PTGR2: variants seen among roughly 807,000 people sequenced by gnomAD.
PTGR2 encodes the protein prostaglandin reductase 2.
Under a neutral mutation model 43.4 loss-of-function variants are expected in PTGR2, and 32 were observed. The observed-to-expected ratio is 0.74, with a 90% CI of 0.56 to 0.99. The LOEUF (loss-of-function observed/expected upper bound fraction) is 0.99, where lower values mean the gene tolerates loss of function less well. Ranked by LOEUF, PTGR2 falls within the 50% of genes least tolerant of loss-of-function variation. The pLI, the probability that PTGR2 is intolerant of heterozygous loss-of-function variation, is 0.00. For synonymous variants in PTGR2, 106 were observed against 139.2 expected (o/e 0.76, Z 1.68); for missense variants, 373 against 420.0 (o/e 0.89, Z 0.98).
intron 8 of PTGR2, among the ~76,000 whole-genome samples, chr14:73,881,772 CTTTTTTTTTTTT>C (rs57377878): frequency 5.8e-5 from 4 of 69,240 alleles, no homozygotes; most frequent in Admixed American, 1.9e-4. Context: ...CTAGGCTATT[CTTTTTTTTTTTT>C]TTTTTTTTTT....
At chr14:73,878,273 G>A (rs1566641828) in intron 5 of PTGR2, 1 of 152,124 alleles carries the variant, frequency 6.6e-6, no homozygotes, top group Non-Finnish European at 1.5e-5. Context: ...GAAAAATAAT[G>A]AATTGCACGT....
chr14:73,852,885 G>C (rs1482365734), intron 1 of PTGR2, among the ~76,000 whole-genome samples: 2 of 152,158 alleles, frequency 1.3e-5, no homozygotes, highest in African/African-American at 4.8e-5. Flanking sequence ...GAGTGTCCTG[G>C]CTGGATCTCG....
intron 6 of PTGR2, 135 bp downstream of exon 6, chr14:73,879,440 T>A: frequency 1.3e-6 from 1 of 756,200 alleles, no homozygotes; most frequent in Non-Finnish European, 2.1e-6. Context: ...AGTATTGTAT[T>A]TAAGTGATAC....
At chr14:73,875,738 CT>C (rs202193452) in intron 4 of PTGR2, among the ~76,000 whole-genome samples, 48,032 of 136,042 alleles carry the variant, frequency 0.35, 8,909 homozygotes, top group Non-Finnish European at 0.44. Flanking sequence ...TAAGCACTTC[CT>C]TTTTTTTTTT....
intron 1 of PTGR2, chr14:73,858,265 C>G (rs2054407768): frequency 6.6e-6 from 1 of 151,272 alleles, no homozygotes; most frequent in Non-Finnish European, 1.5e-5. Context: ...AACATCTTGC[C>G]CCACTAGGGC....
intron 3 of PTGR2, among the ~76,000 whole-genome samples, chr14:73,873,644 TG>T (rs1475903572): frequency 6.6e-6 from 1 of 151,734 alleles, no homozygotes; most frequent in Non-Finnish European, 1.5e-5. Context: ...TTTGTATTTT[TG>T]CAGAGATGGG....
At chr14:73,874,562 T>C (rs950332753) in intron 4 of PTGR2, 18 of 460,618 alleles carry the variant, frequency 3.9e-5, no homozygotes, top group Non-Finnish European at 7.8e-5. Context: ...TATTTGTTTC[T>C]TTGCTTGTTT....
intron 1 of PTGR2, among the ~76,000 whole-genome samples, chr14:73,852,452 C>T (rs2054251510): frequency 6.6e-6 from 1 of 152,084 alleles, no homozygotes; most frequent in Admixed American, 6.6e-5. Context: ...GAGATTTCAC[C>T]GTGTTAGCCA....
chr14:73,853,988 A>G (rs2054288269), intron 1 of PTGR2, among the ~76,000 whole-genome samples: 1 of 151,178 alleles, frequency 6.6e-6, no homozygotes, highest in Non-Finnish European at 1.5e-5. Flanking sequence ...TTTTTCCCCT[A>G]CTTGGGATGA....
chr14:73,858,027 T>C (rs1358665762), intron 1 of PTGR2: 1 of 152,018 alleles, frequency 6.6e-6, no homozygotes, highest in Non-Finnish European at 1.5e-5. Context: ...GAATATATCA[T>C]GTTGTTTGTT....
At chr14:73,854,775 A>G (rs2054306061) in intron 1 of PTGR2, among the ~76,000 whole-genome samples, 1 of 152,186 alleles carries the variant, frequency 6.6e-6, no homozygotes, top group South Asian at 2.1e-4. Flanking sequence ...GTGATTCTGT[A>G]GAAAGTTTCC....
intron 3 of PTGR2, among the ~76,000 whole-genome samples, chr14:73,862,332 C>T (rs996525284): frequency 4.6e-5 from 7 of 152,118 alleles, no homozygotes; most frequent in African/African-American, 7.2e-5. Flanking sequence ...CTCAGCCACC[C>T]GAGCAGCCAG....
intron 4 of PTGR2, among the ~76,000 whole-genome samples, chr14:73,876,792 T>C (rs1212077912): frequency 6.6e-6 from 1 of 152,080 alleles, no homozygotes; most frequent in Non-Finnish European, 1.5e-5. Context: ...ACAAGTCTTG[T>C]TGGACTAGGA....
In PTGR2 at chr14:73,874,159, C is replaced by T; in HGVS notation, c.293C>T (p.Ser98Phe). 1 of 1,613,926 alleles carries T rather than the reference C, an allele frequency of 6.2e-7. No homozygotes were observed. Among genetic ancestry groups the T allele is most frequent in the South Asian group, 1.1e-5 (1 of 91,056 alleles). ...TNLTKGDFVT[S>F]FYWPWQTKVI... ...TTGACTAAAGGCGATTTTGTGACTTCTTTCTATTGGCCCTGGCAAACCAAG... is the reference window on the plus strand; with the variant it reads ...TTGACTAAAGGCGATTTTGTGACTTTTTTCTATTGGCCCTGGCAAACCAAG... The change falls in exon 4 of 10, where the codon TCT becomes TTT. Residue 98 changes from serine (S) to phenylalanine (F), a missense_variant. By Grantham distance (155) the Ser-to-Phe change is radical. Transcript: ENST00000555661.
intron 3 of PTGR2, among the ~76,000 whole-genome samples, chr14:73,865,559 T>C (rs74062560): frequency 2.0e-3 from 305 of 152,310 alleles, no homozygotes; most frequent in African/African-American, 7.1e-3. Context: ...TCCAGTCAAG[T>C]TGACGCCTAA....
chr14:73,866,739 T>A (rs2054603738), intron 3 of PTGR2, among the ~76,000 whole-genome samples: 1 of 152,158 alleles, frequency 6.6e-6, no homozygotes, highest in Admixed American at 6.6e-5. Flanking sequence ...GCAGATGTCC[T>A]TCTCTAATGT....
chr14:73,879,462 C>A, intron 6 of PTGR2, 157 bp downstream of exon 6: 1 of 594,638 alleles, frequency 1.7e-6, no homozygotes, highest in Non-Finnish European at 2.9e-6. Context: ...AAAGAGCTTG[C>A]TGATACCTAC....
intron 3 of PTGR2, among the ~76,000 whole-genome samples, chr14:73,873,458 T>G (rs905363917): frequency 1.3e-5 from 2 of 150,388 alleles, no homozygotes; most frequent in Non-Finnish European, 3.0e-5. Flanking sequence ...TTTTTTTCTT[T>G]TCTTTTCTTT....
intron 3 of PTGR2, among the ~76,000 whole-genome samples, chr14:73,870,223 T>G (rs1383043528): frequency 6.7e-6 from 1 of 149,384 alleles, no homozygotes; most frequent in Non-Finnish European, 1.5e-5. Context: ...AGATAGAGTC[T>G]TGCTCTGTGC....
Sources: gnomAD v4.1 joint callset for allele counts (sites outside exome capture counted in the v4.1 genomes callset) on GRCh38, gnomAD v4.1.1 for gene constraint, MANE v1.5 for transcripts, NCBI Gene and HGNC (gene_info 2026-07-23, HGNC 2026-07-21) for gene names.